Variants in CADM2 observed in about 807,000 individuals in gnomAD.
CADM2 encodes the protein cell adhesion molecule 2.
Under a neutral mutation model 49.8 loss-of-function variants are expected in CADM2, and 12 were observed. The observed-to-expected ratio is 0.24, with a 90% confidence interval of 0.15 to 0.39. The LOEUF is 0.39. CADM2 is among the 10% of genes least tolerant of loss of function. CADM2 has a pLI of 1.00. For synonymous variants in CADM2, 214 were observed against 175.4 expected, an observed-to-expected ratio of 1.22 and a Z score of -1.74; for missense variants, 378 against 492.3, an observed-to-expected ratio of 0.77 and a Z score of 2.20.
At chr3:85,332,136 C>T (rs193118737) in intron 1 of CADM2, among the ~76,000 whole-genome samples, 27 of 152,060 alleles carry the variant, frequency 1.8e-4, no homozygotes, top group East Asian at 1.9e-4. Context: ...GTTGAGACAA[C>T]GGCTGAGAAG....
chr3:85,092,844 G>A (rs2037649290), intron 1 of CADM2, among the ~76,000 whole-genome samples: 1 of 152,100 alleles, frequency 6.6e-6, no homozygotes, highest in Admixed American at 6.6e-5. Flanking sequence ...GCCTTTGAAA[G>A]TAATGCAGAC....
chr3:85,619,096 A>C (rs932135950), intron 1 of CADM2, among the ~76,000 whole-genome samples: 1 of 152,030 alleles, frequency 6.6e-6, no homozygotes, highest in Admixed American at 6.6e-5. Flanking sequence ...TGAAACTTAT[A>C]CTGGAGTTAC....
At chr3:85,103,380 A>C (rs1203449617) in intron 1 of CADM2, among the ~76,000 whole-genome samples, 1 of 151,844 alleles carries the variant, frequency 6.6e-6, no homozygotes, top group Non-Finnish European at 1.5e-5. Flanking sequence ...GTAAGAAATA[A>C]TCACTGAGCT....
chr3:85,420,306 A>G (rs1405393635), intron 1 of CADM2, among the ~76,000 whole-genome samples: 1 of 152,194 alleles, frequency 6.6e-6, no homozygotes, highest in African/African-American at 2.4e-5. Context: ...CTGTAGGTGG[A>G]TAGTATTTTC....
intron 1 of CADM2, among the ~76,000 whole-genome samples, chr3:85,602,936 T>G (rs1301931633): frequency 6.6e-6 from 1 of 151,794 alleles, no homozygotes. Flanking sequence ...TTGTTCATTT[T>G]TATTTTTGCT....
intron 1 of CADM2, among the ~76,000 whole-genome samples, chr3:85,332,645 C>T (rs918104150): frequency 3.3e-5 from 5 of 151,952 alleles, no homozygotes; most frequent in Non-Finnish European, 5.9e-5. Context: ...GAATAATCCA[C>T]TTCCAAAATA....
chr3:85,814,780 A>G (rs112201460), intron 3 of CADM2, among the ~76,000 whole-genome samples: 5,515 of 152,062 alleles, frequency 0.036, 306 homozygotes, highest in African/African-American at 0.13. Flanking sequence ...TCTATTCTAT[A>G]GTATTCTATT....
chr3:85,133,400 C>G (rs1402792357), intron 1 of CADM2, among the ~76,000 whole-genome samples: 1 of 152,136 alleles, frequency 6.6e-6, no homozygotes, highest in South Asian at 2.1e-4. Flanking sequence ...CTCTACGTCC[C>G]CACTAGATTA....
intron 1 of CADM2, among the ~76,000 whole-genome samples, chr3:85,159,916 C>T (rs552125875): frequency 6.6e-6 from 1 of 152,230 alleles, no homozygotes; most frequent in East Asian, 1.9e-4. Flanking sequence ...CCATGCTTTT[C>T]ATATTTGGCA....
chr3:85,899,221 C>A (rs901094332), intron 5 of CADM2, among the ~76,000 whole-genome samples: 4 of 151,664 alleles, frequency 2.6e-5, no homozygotes, highest in Admixed American at 2.6e-4. Context: ...CCACCTTGGC[C>A]TCCCAGAGTG....
chr3:85,958,217 T>C (rs1172193915), intron 7 of CADM2, among the ~76,000 whole-genome samples: 1 of 151,862 alleles, frequency 6.6e-6, no homozygotes, highest in Non-Finnish European at 1.5e-5. Context: ...CACTGATCAT[T>C]AGAGAAATGA....
At chr3:86,061,217 G>A (rs1220530289) in intron 8 of CADM2, among the ~76,000 whole-genome samples, 2 of 151,842 alleles carry the variant, frequency 1.3e-5, no homozygotes, top group Non-Finnish European at 2.9e-5. Context: ...GTATTTATAA[G>A]TTTATAAATC....
chr3:85,405,684 T>C (rs912064073), intron 1 of CADM2, among the ~76,000 whole-genome samples: 3 of 152,104 alleles, frequency 2.0e-5, no homozygotes, highest in Non-Finnish European at 4.4e-5. Context: ...GAGCAAGGAT[T>C]TCTTAAAAGC....
chr3:85,392,108 G>T (rs572481636), intron 1 of CADM2, among the ~76,000 whole-genome samples: 1 of 152,078 alleles, frequency 6.6e-6, no homozygotes, highest in African/African-American at 2.4e-5. Context: ...ACTTAAGAAA[G>T]ATAAAATAAT....
At chr3:85,382,831 C>T (rs1192718176) in intron 1 of CADM2, among the ~76,000 whole-genome samples, 1 of 152,084 alleles carries the variant, frequency 6.6e-6, no homozygotes, top group Non-Finnish European at 1.5e-5. Context: ...ATTTATTATA[C>T]TACCATATTC....
At chr3:85,185,455 C>T (rs997731992) in intron 1 of CADM2, among the ~76,000 whole-genome samples, 1 of 151,902 alleles carries the variant, frequency 6.6e-6, no homozygotes, top group African/African-American at 2.4e-5. Context: ...TTCTTTTTCC[C>T]ATATCATATG....
At chr3:85,325,999 CA>C (rs1271975707) in intron 1 of CADM2, among the ~76,000 whole-genome samples, 3 of 152,142 alleles carry the variant, frequency 2.0e-5, no homozygotes, top group African/African-American at 7.2e-5. Flanking sequence ...ACTTAGACCT[CA>C]TGTTTGAAAC....
chr3:85,049,306 C>T (rs2035786282), intron 1 of CADM2, among the ~76,000 whole-genome samples: 1 of 150,170 alleles, frequency 6.7e-6, no homozygotes, highest in Non-Finnish European at 1.5e-5. Flanking sequence ...GATAATTAAA[C>T]CTACATTTGT....
At chr3:85,732,826 G>A (rs1248290408) in intron 2 of CADM2, among the ~76,000 whole-genome samples, 1 of 152,176 alleles carries the variant, frequency 6.6e-6, no homozygotes, top group Admixed American at 6.5e-5. Flanking sequence ...TTCACAAAAT[G>A]AGTAAGAGGC....
Sources: allele counts gnomAD v4.1 joint callset (sites outside exome capture counted in the v4.1 genomes callset), GRCh38; gene constraint gnomAD v4.1.1; transcripts MANE v1.5; gene names NCBI Gene and HGNC (gene_info 2026-07-23, HGNC 2026-07-21).